The following NFIA variants were observed in gnomAD, a reference collection of about 807,000 sequenced individuals.
NFIA encodes nuclear factor I A.
A neutral mutation model predicts 62.8 loss-of-function variants in NFIA; 8 were observed. The observed-to-expected ratio is 0.13, with a 90% CI of 0.07 to 0.23. The LOEUF is 0.23. Among genes scored for constraint, NFIA ranks in the 10% least tolerant of loss-of-function variants. The pLI is 1.00. For missense variants in NFIA, 410 were observed against 642.1 expected (o/e 0.64, Z 3.91); for synonymous variants, 235 against 238.1 (o/e 0.99, Z 0.12).
chr1:61,193,415 T>A (rs140109863), intron 2 of NFIA, among the ~76,000 whole-genome samples: 1 of 152,336 alleles, frequency 6.6e-6, no homozygotes, highest in East Asian at 1.9e-4. Context: ...ACTAATGACA[T>A]GTGGAAGTCA....
chr1:61,400,677 C>T (rs116688127), intron 7 of NFIA, among the ~76,000 whole-genome samples: 3,783 of 152,194 alleles, frequency 0.025, 61 homozygotes, highest in Non-Finnish European at 0.041. Context: ...TGTTTTTCTT[C>T]GTCAAAAATC....
intron 2 of NFIA, among the ~76,000 whole-genome samples, chr1:61,207,782 G>A (rs332824): frequency 0.54 from 82,228 of 151,954 alleles, 22,792 homozygotes; most frequent in East Asian, 0.75. Flanking sequence ...TTTGTTAGGC[G>A]TAGGCCCTTT....
chr1:61,097,477 T>C (rs1646435717), intron 2 of NFIA, among the ~76,000 whole-genome samples: 1 of 152,236 alleles, frequency 6.6e-6, no homozygotes. Flanking sequence ...TTTCCTTTTG[T>C]AATTTTGCCA....
chr1:61,383,262 G>T lies in NFIA; in HGVS notation c.972G>T (p.Lys324Asn). 1 of 1,613,982 alleles carries T rather than the reference G, an allele frequency of 6.2e-7. No individual in the cohort carries two copies. The highest frequency in any genetic ancestry group is 8.5e-7 in the Non-Finnish European group (1 of 1,179,912). ...GAATGCCATCTCCAACCACACTGAA[G>T]AAGTCGGAGAAGTCTGGTTTCAGCA... ...EPGMPSPTTL[K>N]KSEKSGFSSP... is the part of the protein sequence containing the mutation. Residue 324 changes from lysine to asparagine, a missense_variant, in exon 7 of 11, where the codon AAG (lysine) becomes AAT (asparagine). Lys to Asn is a moderately conservative substitution (Grantham distance 94). This residue lies in a region of NFIA where 298 missense variants were observed against 438.1 expected (regional missense o/e 0.68). Transcript: ENST00000403491.
At chr1:61,252,755 A>G (rs185174471) in intron 2 of NFIA, among the ~76,000 whole-genome samples, 3 of 152,358 alleles carry the variant, frequency 2.0e-5, no homozygotes, top group Admixed American at 6.5e-5. Context: ...AAGAATGTAC[A>G]TACACATGCT....
At chr1:61,305,940 C>T (rs1206253591) in intron 3 of NFIA, among the ~76,000 whole-genome samples, 9 of 151,568 alleles carry the variant, frequency 5.9e-5, no homozygotes, top group Middle Eastern at 3.4e-3. Flanking sequence ...CTCCATCTCC[C>T]GAGTTCACAC....
At chr1:61,282,392 G>T (rs1658190826) in intron 3 of NFIA, among the ~76,000 whole-genome samples, 1 of 152,116 alleles carries the variant, frequency 6.6e-6, no homozygotes, top group Admixed American at 6.5e-5. Context: ...TTAGAACATC[G>T]ATTTAAACAA....
chr1:61,135,550 A>G (rs1012974055), intron 2 of NFIA, among the ~76,000 whole-genome samples: 2 of 152,162 alleles, frequency 1.3e-5, no homozygotes, highest in East Asian at 3.9e-4. Context: ...GACTACTGGC[A>G]TGTGCCATCA....
intron 10 of NFIA, among the ~76,000 whole-genome samples, chr1:61,436,281 G>A (rs1181050399): frequency 1.3e-5 from 2 of 152,154 alleles, no homozygotes; most frequent in Non-Finnish European, 2.9e-5. Flanking sequence ...TGGTTTTGCA[G>A]AGCTTGAGTC....
intron 3 of NFIA, among the ~76,000 whole-genome samples, chr1:61,288,007 T>C (rs1407104879): frequency 2.0e-5 from 3 of 152,228 alleles, no homozygotes; most frequent in African/African-American, 7.2e-5. Context: ...CCGCATCTGC[T>C]GGTACCTAGC....
intron 2 of NFIA, among the ~76,000 whole-genome samples, chr1:61,217,245 T>A (rs1202812463): frequency 1.3e-5 from 2 of 151,080 alleles, no homozygotes; most frequent in Admixed American, 6.6e-5. Flanking sequence ...TTGTTTTGTA[T>A]TTTTAGTAGA....
intron 9 of NFIA, among the ~76,000 whole-genome samples, chr1:61,411,076 T>C (rs1666076274): frequency 6.6e-6 from 1 of 152,138 alleles, no homozygotes; most frequent in Non-Finnish European, 1.5e-5. Context: ...GTAACAGATG[T>C]GCTGTGCTGT....
chr1:61,120,961 C>G (rs1370802661), intron 2 of NFIA, among the ~76,000 whole-genome samples: 1 of 152,128 alleles, frequency 6.6e-6, no homozygotes, highest in African/African-American at 2.4e-5. Flanking sequence ...TGAACAGTAT[C>G]TGTTAGCCAT....
At chr1:61,231,101 T>G (rs566297019) in intron 2 of NFIA, among the ~76,000 whole-genome samples, 4 of 152,328 alleles carry the variant, frequency 2.6e-5, no homozygotes, top group Admixed American at 6.5e-5. Context: ...CTCTAGCATG[T>G]AGCTCAGTGG....
chr1:61,407,724 G>T (rs12061636), intron 9 of NFIA, among the ~76,000 whole-genome samples: 6,367 of 152,206 alleles, frequency 0.042, 417 homozygotes, highest in African/African-American at 0.15. Context: ...TGAGACTGAG[G>T]CAAGGAATCT....
At chr1:61,142,499 A>G (rs1161951991) in intron 2 of NFIA, among the ~76,000 whole-genome samples, 4 of 152,212 alleles carry the variant, frequency 2.6e-5, no homozygotes, top group African/African-American at 9.6e-5. Context: ...TTTTGCCCAT[A>G]TTGAAACTCC....
At chr1:61,105,241 A>G (rs1036255112) in intron 2 of NFIA, among the ~76,000 whole-genome samples, 1 of 151,970 alleles carries the variant, frequency 6.6e-6, no homozygotes, top group South Asian at 2.1e-4. Flanking sequence ...TACAGTTTAG[A>G]TGTAGATTTT....
chr1:61,226,286 A>C (rs189330476), intron 2 of NFIA, among the ~76,000 whole-genome samples: 20 of 152,342 alleles, frequency 1.3e-4, no homozygotes, highest in Admixed American at 5.2e-4. Context: ...ACTGTGTTTT[A>C]ACGAGTCTCC....
chr1:61,114,326 A>AT (rs951837302), intron 2 of NFIA, among the ~76,000 whole-genome samples: 14 of 146,532 alleles, frequency 9.6e-5, no homozygotes, highest in South Asian at 8.5e-4. Context: ...TCTTAAAAAA[A>AT]TTTTTTTTTT....
Sources: gnomAD v4.1 joint callset for allele counts (sites outside exome capture counted in the v4.1 genomes callset) on GRCh38, gnomAD v4.1.1 for gene constraint, gnomAD v4.1.1 regional missense constraint, MANE v1.5 for transcripts, NCBI Gene and HGNC (gene_info 2026-07-23, HGNC 2026-07-21) for gene names.